Variants in SLC25A36 observed in about 807,000 individuals in gnomAD.
The protein encoded by SLC25A36 is epididymis secretory sperm binding protein.
SLC25A36 carries 24 observed loss-of-function variants against 35.3 expected under a neutral mutation model. That is an observed-to-expected ratio of 0.68 (90% CI 0.49 to 0.96). The LOEUF (loss-of-function observed/expected upper bound fraction) is 0.96, where lower values mean the gene tolerates loss of function less well. Ranked by LOEUF, SLC25A36 falls within the 40% of genes least tolerant of loss-of-function variation. SLC25A36 has a pLI of 0.00. For missense variants in SLC25A36, 294 were observed against 381.1 expected (o/e 0.77, Z 1.90); for synonymous variants, 141 against 132.2 (o/e 1.07, Z -0.46).
chr3:140,963,003 T>C (rs909630316), intron 3 of SLC25A36, 124 bp from the exon 4 acceptor site: 22 of 515,704 alleles, frequency 4.3e-5, no homozygotes, highest in Non-Finnish European at 6.8e-5. Flanking sequence ...TAATGTTACA[T>C]GAGAATGTGG....
At position 140,950,823 on chromosome 3, in the gene SLC25A36, A is replaced by T. The variant is rs377448665; in HGVS notation, c.42-5704A>T. Among the ~76,000 whole-genome samples the T allele has an allele frequency of 7.9e-5, 12 of 152,196 alleles. No homozygotes were observed. In the East Asian group the frequency reaches 1.5e-3, roughly 20 times the overall value. On this transcript the variant is annotated intron_variant, in intron 1 of 6. Coordinates refer to ENST00000324194, the MANE Select transcript of SLC25A36 (RefSeq NM_001104647.3). ...GTTCCTGCTAAACCTAAGTTCAGAA[A>T]TGTTGAGTTTGTATTCTTCAGAGAA... is the stretch of plus-strand genomic sequence containing the variant.
intron 1 of SLC25A36, among the ~76,000 whole-genome samples, chr3:140,944,365 C>G (rs1456714532): frequency 6.6e-6 from 1 of 152,174 alleles, no homozygotes; most frequent in Non-Finnish European, 1.5e-5. Flanking sequence ...CTCGTGCTTT[C>G]TTTAAGACAC....
chr3:140,964,712 G>A (rs1934716127), intron 4 of SLC25A36: 1 of 151,824 alleles, frequency 6.6e-6, no homozygotes, highest in Non-Finnish European at 1.5e-5. Context: ...ATAAAGAAAT[G>A]TTAATCTTAT....
At position 140,942,460 on chromosome 3, in the gene SLC25A36, C is replaced by T. The variant is rs540068242; in HGVS notation, c.41+365C>T. ...ACGCGGGCAAGAGCTGGGGTCGGCG[C>T]TTGATTACCCGGACGCCGCTGGACC... On this transcript the variant is annotated intron_variant, in intron 1 of 6. Transcript: ENST00000324194. 7 of 183,664 alleles carry T rather than the reference C, an allele frequency of 3.8e-5. No individual in the cohort carries two copies. In the South Asian group the frequency reaches 1.2e-3, roughly 33 times the overall value. The allele number at this position is 183,664 out of a possible 1,614,324, so 11.4% of individuals were successfully genotyped here. A position where few individuals can be genotyped will look rare whatever the true frequency, so the allele number is the denominator to read the frequency against.
chr3:140,975,104 T>TTTTTTTTTTTTTTTTTTTTTTG, intron 6 of SLC25A36, among the ~76,000 whole-genome samples: 1 of 65,328 alleles, frequency 1.5e-5, no homozygotes, highest in Non-Finnish European at 2.7e-5. Context: ...ATTCTTTTTT[T>TTTTTTTTTTTTTTTTTTTTTTG]TTTTTTTTTT....
intron 6 of SLC25A36, 63 bp from the exon 7 acceptor site, chr3:140,976,197 C>T (rs1576490657): frequency 9.1e-7 from 1 of 1,094,042 alleles, no homozygotes; most frequent in African/African-American, 1.6e-5. Context: ...GGGATGTGCT[C>T]AGTTATAATT....
rs1935101705 is a variant in SLC25A36, at chr3:140,978,256, C to A, written c.*1803C>A. 6.6e-6 allele frequency: 1 copy of A among 152,118 alleles called. No individual in the cohort carries two copies. The highest frequency in any genetic ancestry group is 1.5e-5 in the Non-Finnish European group (1 of 68,012). 9.4% of individuals were successfully genotyped at this position (152,118 alleles called of 1,614,324 possible). A position where few individuals can be genotyped will look rare whatever the true frequency, so the allele number is the denominator to read the frequency against. On this transcript the variant is annotated 3_prime_UTR_variant, in exon 7 of 7. Transcript: ENST00000324194. ...ACCAAAGGCAAAATCAGTTTTCTTA[C>A]CTTTGGAATTATTCGTACCTTTTAT...
At chr3:140,971,780 A>G (rs573381772) in intron 5 of SLC25A36, among the ~76,000 whole-genome samples, 1 of 152,332 alleles carries the variant, frequency 6.6e-6, no homozygotes, top group East Asian at 1.9e-4. Flanking sequence ...TGTTACAATA[A>G]TAATGTTAAT....
chr3:140,973,726 G>A lies in SLC25A36; in HGVS notation c.463G>A (p.Glu155Lys). ...RLQLDARNRG[E>K]RRMGAFECVR... The stretch of plus-strand genomic sequence containing the variant: ...CTTTTTGCTTTTCAGGAACCGCGGG[G>A]AAAGGCGAATGGGTGCTTTTGAATG... Residue 155 changes from glutamate (E) to lysine (K), a missense_variant, in exon 6 of 7, where the codon GAA becomes AAA. Coordinates refer to ENST00000324194, the MANE Select transcript of SLC25A36 (RefSeq NM_001104647.3). 6.8e-7 allele frequency: 1 copy of A among 1,473,240 alleles called. No individual in the cohort carries two copies. Among genetic ancestry groups the A allele is most frequent in the Non-Finnish European group, 9.1e-7 (1 of 1,101,738 alleles). 91.3% of individuals were successfully genotyped at this position (1,473,240 alleles called of 1,614,324 possible). A position where few individuals can be genotyped will look rare whatever the true frequency, so the allele number is the denominator to read the frequency against.
intron 3 of SLC25A36, among the ~76,000 whole-genome samples, chr3:140,960,383 C>T (rs1452725575): frequency 2.6e-5 from 4 of 152,152 alleles, no homozygotes; most frequent in Admixed American, 2.0e-4. Context: ...TAGGATATCT[C>T]GACTTTTTCT....
Position 140,980,563 on chromosome 3 carries a change from GTGTT to G in SLC25A36, c.*4112_*4115del, listed in dbSNP as rs1935156793. 6.6e-6 allele frequency among the ~76,000 whole-genome samples: 1 copy of G among 152,104 alleles called. No homozygotes were observed. The highest frequency in any genetic ancestry group is 2.1e-4 in the South Asian group (1 of 4,824). On this transcript the variant is annotated 3_prime_UTR_variant, in exon 7 of 7. Transcript: ENST00000324194. ...CACAGGTGTTCCAAGTTGTGTGTGT[GTGTT>G]TATTACTGAACATTGGGAGCCGTGA... is the stretch of plus-strand genomic sequence containing the variant.
rs748841547 is a variant in SLC25A36 at position 140,970,921 on chromosome 3, G to C, written c.386-6G>C. ...ACCAGAGTTCATTTTAAACATGTTT[G>C]TTTAGGTTTTACTGCAATCACAGCA... On this transcript the variant is annotated splice_polypyrimidine_tract_variant and splice_region_variant and intron_variant, in intron 4 of 6. Coordinates refer to ENST00000324194, the MANE Select transcript of SLC25A36 (RefSeq NM_001104647.3). 36 of 1,395,244 alleles carry C rather than the reference G, an allele frequency of 2.6e-5. No individual in the cohort carries two copies. Among genetic ancestry groups the C allele is most frequent in the Non-Finnish European group, 3.5e-5 (34 of 983,090 alleles). 86.4% of individuals were successfully genotyped at this position (1,395,244 alleles called of 1,614,324 possible).
At chr3:140,973,557 GAC>G (rs2107817110) in intron 5 of SLC25A36, 157 bp from the exon 6 acceptor site, 1 of 576,618 alleles carries the variant, frequency 1.7e-6, no homozygotes, top group Admixed American at 3.9e-5. Flanking sequence ...ACAAATTTGG[GAC>G]AAAAGAATAG....
At chr3:140,961,205 T>C (rs1330737684) in intron 3 of SLC25A36, among the ~76,000 whole-genome samples, 2 of 152,154 alleles carry the variant, frequency 1.3e-5, no homozygotes, top group Non-Finnish European at 2.9e-5. Context: ...AAAACACCAT[T>C]AATAGACAGT....
In SLC25A36 at chr3:140,956,549, A is replaced by G. The variant is rs757185792; in HGVS notation, c.64A>G (p.Ile22Val). The change falls in exon 2 of 7, where the codon ATT becomes GTT. Residue 22 changes from isoleucine (I) to valine (V), a missense_variant. By Grantham distance (29) the Ile-to-Val change is conservative. Transcript: ENST00000324194. ...AGGCGGTVGAILTCPLEVVKT... is the reference protein window; with the variant it reads ...AGGCGGTVGAVLTCPLEVVKT... ...TAGATGTGGTGGTACAGTGGGAGCT[A>G]TTCTGACATGTCCACTGGAAGTTGT... is the stretch of plus-strand genomic sequence containing the variant. 13 of 1,592,514 alleles carry G rather than the reference A, an allele frequency of 8.2e-6. No homozygotes were observed. In the South Asian group the frequency reaches 1.2e-4, roughly 15 times the overall value.
rs1056098672 is a variant in SLC25A36 at position 140,979,119 on chromosome 3, CATT to C, written c.*2669_*2671del. On this transcript the variant is annotated 3_prime_UTR_variant, in exon 7 of 7. Coordinates refer to ENST00000324194, the MANE Select transcript of SLC25A36 (RefSeq NM_001104647.3). ...TATCACCAAAAGTTCGTTTGATTCTCATTATGTAACTTTGTAGAACCATCCTTT... is the reference window on the plus strand; with the variant it reads ...TATCACCAAAAGTTCGTTTGATTCTCATGTAACTTTGTAGAACCATCCTTT... 3 of 152,168 alleles carry C rather than the reference CATT, an allele frequency of 2.0e-5. No homozygotes were observed. Among genetic ancestry groups the C allele is most frequent in the Non-Finnish European group, 4.4e-5 (3 of 68,000 alleles). 9.4% of individuals were successfully genotyped at this position (152,168 alleles called of 1,614,324 possible).
In SLC25A36 at chr3:140,968,098, T is replaced by G. The variant is rs1373023735; in HGVS notation, c.386-2829T>G. On this transcript the variant is annotated intron_variant, in intron 4 of 6. Transcript: ENST00000324194. ...TAACCTCAAATTGCCTTACCATATA[T>G]AATGCTAAGTTACGATAAATTTTTG... The G allele has an allele frequency of 3.0e-6, 3 of 984,802 alleles. No homozygotes were observed. The East Asian group carries it at 3.4e-4, about 112-fold the overall frequency. The allele number at this position is 984,802 out of a possible 1,614,324, so 61.0% of individuals were successfully genotyped here. A position where few individuals can be genotyped will look rare whatever the true frequency, so the allele number is the denominator to read the frequency against.
intron 1 of SLC25A36, among the ~76,000 whole-genome samples, chr3:140,950,990 A>C (rs1934309596): frequency 6.6e-6 from 1 of 151,968 alleles, no homozygotes; most frequent in Non-Finnish European, 1.5e-5. Context: ...ACAGACTGTG[A>C]CAGCAGCCAG....
rs1934266256 is a variant in SLC25A36, at chr3:140,949,655, GTGT to G, written c.42-6867_42-6865del. Among the ~76,000 whole-genome samples, 4 of 152,234 alleles carry G rather than the reference GTGT, an allele frequency of 2.6e-5. No homozygotes were observed. The South Asian group carries it at 8.3e-4, about 32-fold the overall frequency. On this transcript the variant is annotated intron_variant, in intron 1 of 6. Transcript: ENST00000324194. ...ACCAGGGGTATAGTGACATTTAACA[GTGT>G]TGTTAGATTCGTAACCAAGAAACTC...
Sources: allele counts gnomAD v4.1 joint callset (sites outside exome capture counted in the v4.1 genomes callset), GRCh38; gene constraint gnomAD v4.1.1; transcripts MANE v1.5; gene names NCBI Gene and HGNC (gene_info 2026-07-23, HGNC 2026-07-21).